The following ZNF536 variants were observed in gnomAD, a reference collection of about 807,000 sequenced individuals.
ZNF536 encodes zinc finger protein 536.
ZNF536 carries 13 observed loss-of-function variants against 84.5 expected under a neutral mutation model. The ratio of observed to expected loss-of-function variants is 0.15; its 90% CI spans 0.10 to 0.24. The LOEUF is 0.24. Among genes scored for constraint, ZNF536 ranks in the 10% least tolerant of loss-of-function variants. The pLI, the probability that ZNF536 is intolerant of heterozygous loss-of-function variation, is 1.00. For synonymous variants in ZNF536, 811 were observed against 742.5 expected (o/e 1.09, Z -1.50); for missense variants, 1,536 against 1,747.5 (o/e 0.88, Z 2.16).
At chr19:30,531,280 T>C (rs1258594924) in intron 2 of ZNF536, among the ~76,000 whole-genome samples, 1 of 152,156 alleles carries the variant, frequency 6.6e-6, no homozygotes, top group East Asian at 1.9e-4. Context: ...CTTAGAGTGA[T>C]GTATAGTGAG....
At chr19:30,321,924 G>A (rs1276979430) in intron 2 of ZNF536, among the ~76,000 whole-genome samples, 1 of 151,808 alleles carries the variant, frequency 6.6e-6, no homozygotes. Context: ...TTATAGGCGT[G>A]CACCACCATG....
chr19:30,500,515 A>G (rs2054906396), intron 2 of ZNF536, among the ~76,000 whole-genome samples: 2 of 150,124 alleles, frequency 1.3e-5, no homozygotes, highest in Non-Finnish European at 3.0e-5. Context: ...CCCCAGGCTC[A>G]CTCCTGGTTC....
intron 3 of ZNF536, among the ~76,000 whole-genome samples, chr19:30,366,493 A>T (rs2048437780): frequency 1.4e-5 from 2 of 143,434 alleles, no homozygotes; most frequent in Non-Finnish European, 3.0e-5. Flanking sequence ...TAGATCTATC[A>T]TCTTATCTGT....
intron 2 of ZNF536, among the ~76,000 whole-genome samples, chr19:30,484,776 G>C (rs8099986): frequency 0.018 from 2,745 of 151,656 alleles, 76 homozygotes; most frequent in African/African-American, 0.063. Flanking sequence ...TCAGGAAAGT[G>C]GGGGGACAAC....
Position 30,478,787 on chromosome 19 carries a change from C to T in ZNF536, c.2170+33055C>T, listed in dbSNP as rs568059581. Among the ~76,000 whole-genome samples the T allele has an allele frequency of 1.2e-4, 18 of 152,284 alleles. No individual in the cohort carries two copies. In the East Asian group the frequency reaches 3.3e-3, roughly 28 times the overall value. On this transcript the variant is annotated intron_variant, in intron 2 of 4. Transcript: ENST00000355537. ...CAAGGGACAAAATGTGGTATAGCTTCGAGTCTTGAGCCTTGTCTGCTTTTC... is the reference window on the plus strand; with the variant it reads ...CAAGGGACAAAATGTGGTATAGCTTTGAGTCTTGAGCCTTGTCTGCTTTTC...
chr19:30,426,106 C>T (rs187169055), intron 1 of ZNF536, among the ~76,000 whole-genome samples: 1 of 152,312 alleles, frequency 6.6e-6, no homozygotes, highest in Non-Finnish European at 1.5e-5. Context: ...TTGGCAGGAT[C>T]TCTGCAACCC....
At chr19:30,426,300 C>A (rs941350771) in intron 1 of ZNF536, among the ~76,000 whole-genome samples, 1 of 152,212 alleles carries the variant, frequency 6.6e-6, no homozygotes, top group Admixed American at 6.5e-5. Context: ...TATGAGGTGC[C>A]TTGATTTATG....
At chr19:30,605,229 G>A (rs1266455311) in intron 1 of ZNF536, among the ~76,000 whole-genome samples, 1 of 151,920 alleles carries the variant, frequency 6.6e-6, no homozygotes, top group Non-Finnish European at 1.5e-5. Context: ...GATGGTTTTT[G>A]GTTACAGGGA....
Position 30,687,107 on chromosome 19 carries a change from GTGTAT to G in ZNF536, c.170-23648_170-23644del, listed in dbSNP as rs531345755. On this transcript the variant is annotated intron_variant, in intron 1 of 1. Transcript: ENST00000592773. Reference sequence around the variant, plus strand: ...CAAGACAGGCTGTACAGACAGAGTTGTGTATTCCAAAGAAAGGCTTCAGCCCGGCC... The same window carrying G: ...CAAGACAGGCTGTACAGACAGAGTTGTCCAAAGAAAGGCTTCAGCCCGGCC... 8.6e-4 allele frequency among the ~76,000 whole-genome samples: 131 copies of G among 152,300 alleles called. 1 individual carries two copies. Among genetic ancestry groups the G allele is most frequent in the African/African-American group, 2.7e-3 (113 of 41,564 alleles).
At chr19:30,702,309 T>A (rs1249400236) in intron 1 of ZNF536, among the ~76,000 whole-genome samples, 1 of 152,208 alleles carries the variant, frequency 6.6e-6, no homozygotes. Context: ...TCATAGTGGA[T>A]TAAAAATGAA....
At chr19:30,346,392 G>C (rs1309803492) in intron 2 of ZNF536, among the ~76,000 whole-genome samples, 3 of 152,080 alleles carry the variant, frequency 2.0e-5, no homozygotes, top group Non-Finnish European at 4.4e-5. Flanking sequence ...TGTTACATAG[G>C]TAAACTTGTG....
intron 1 of ZNF536, among the ~76,000 whole-genome samples, chr19:30,697,715 A>G (rs570776325): frequency 6.6e-6 from 1 of 152,296 alleles, no homozygotes; most frequent in Admixed American, 6.5e-5. Context: ...ATAATGAAAA[A>G]TGCTGCATGC....
intron 1 of ZNF536, among the ~76,000 whole-genome samples, chr19:30,274,126 G>A (rs745377391): frequency 3.9e-5 from 6 of 152,200 alleles, no homozygotes; most frequent in African/African-American, 7.2e-5. Context: ...AGATAGTTCC[G>A]TTAGAAGTGG....
At chr19:30,369,761 A>T (rs565208169), upstream of ZNF536, among the ~76,000 whole-genome samples, 1 of 152,226 alleles carries the variant, frequency 6.6e-6, no homozygotes, top group East Asian at 1.9e-4. Context: ...AAGGAAACCA[A>T]CTCAGGAGTT....
chr19:30,531,130 A>T (rs1057157652), intron 2 of ZNF536, among the ~76,000 whole-genome samples: 7 of 152,228 alleles, frequency 4.6e-5, no homozygotes, highest in Non-Finnish European at 1.0e-4. Context: ...GCCCTCCAAA[A>T]AAAATCCCTT....
intron 1 of ZNF536, among the ~76,000 whole-genome samples, chr19:30,399,679 G>GTTTTT (rs71171801): frequency 8.0e-5 from 9 of 112,866 alleles, no homozygotes; most frequent in African/African-American, 1.0e-4. Flanking sequence ...AATAAGAAAT[G>GTTTTT]TTTTTTTTTT....
At chr19:30,507,077 C>A (rs777882040) in intron 2 of ZNF536, among the ~76,000 whole-genome samples, 1 of 152,166 alleles carries the variant, frequency 6.6e-6, no homozygotes, top group Non-Finnish European at 1.5e-5. Context: ...AAAATACAGA[C>A]CTGGCTGGGC....
intron 1 of ZNF536, among the ~76,000 whole-genome samples, chr19:30,254,432 A>G (rs2024795370): frequency 1.3e-5 from 2 of 152,146 alleles, no homozygotes; most frequent in African/African-American, 4.8e-5. Flanking sequence ...TAGGATTCAT[A>G]CGCACGGTGT....
intron 1 of ZNF536, among the ~76,000 whole-genome samples, chr19:30,236,543 A>C (rs1434806324): frequency 6.6e-6 from 1 of 151,164 alleles, no homozygotes; most frequent in African/African-American, 2.4e-5. Context: ...GGGGGGGTAC[A>C]ATTGGAATTT....
Sources: allele counts gnomAD v4.1 joint callset (sites outside exome capture counted in the v4.1 genomes callset), GRCh38; gene constraint gnomAD v4.1.1; transcripts MANE v1.5; gene names NCBI Gene and HGNC (gene_info 2026-07-23, HGNC 2026-07-21).